Variants in CHRDL2 observed in about 807,000 individuals in gnomAD.
CHRDL2 encodes the protein chordin like 2.
CHRDL2 carries 41 observed loss-of-function variants against 54.3 expected under a neutral mutation model. The observed-to-expected ratio is 0.76, with a 90% CI of 0.59 to 0.98. The LOEUF (loss-of-function observed/expected upper bound fraction) is 0.98, where lower values mean the gene tolerates loss of function less well. CHRDL2 is among the 50% of genes least tolerant of loss of function. The probability of loss-of-function intolerance (pLI) is 0.00; values close to 1 mark genes in which losing one functional copy is unlikely to be tolerated. For missense variants in CHRDL2, 518 were observed against 562.4 expected, an observed-to-expected ratio of 0.92 and a Z score of 0.80; for synonymous variants, 220 against 224.3, an observed-to-expected ratio of 0.98 and a Z score of 0.17.
intron 2 of CHRDL2, among the ~76,000 whole-genome samples, chr11:74,714,807 G>A (rs758130950): frequency 2.0e-5 from 3 of 152,158 alleles, no homozygotes; most frequent in Non-Finnish European, 2.9e-5. Flanking sequence ...TTCTGGCCTC[G>A]AAGGAGCCAA....
intron 4 of CHRDL2, 21 bp downstream of exon 4, chr11:74,710,828 A>G: frequency 6.2e-7 from 1 of 1,613,126 alleles, no homozygotes; most frequent in Non-Finnish European, 8.5e-7. Flanking sequence ...CCTGTGCTGA[A>G]GGGAAGGCAG....
intron 4 of CHRDL2, among the ~76,000 whole-genome samples, chr11:74,709,158 G>C (rs896145164): frequency 1.4e-4 from 22 of 152,164 alleles, no homozygotes; most frequent in Admixed American, 1.3e-4. Flanking sequence ...ATATAATCAG[G>C]GATGAGAAGG....
At chr11:74,703,705 G>A (rs1480383237) in intron 7 of CHRDL2, among the ~76,000 whole-genome samples, 1 of 152,234 alleles carries the variant, frequency 6.6e-6, no homozygotes, top group African/African-American at 2.4e-5. Context: ...GCTGAGATGG[G>A]CCCAGAAGGA....
At chr11:74,713,811 C>T (rs2034269968) in intron 2 of CHRDL2, among the ~76,000 whole-genome samples, 1 of 152,152 alleles carries the variant, frequency 6.6e-6, no homozygotes, top group Admixed American at 6.5e-5. Flanking sequence ...ACTATTTTAA[C>T]TCTAGGGCTT....
chr11:74,728,167 C>A (rs1206722767), intron 1 of CHRDL2, among the ~76,000 whole-genome samples: 1 of 152,184 alleles, frequency 6.6e-6, no homozygotes, highest in African/African-American at 2.4e-5. Context: ...GTTTGAATAG[C>A]CTGAGGAGCA....
chr11:74,700,537 G>A lies in CHRDL2; in HGVS notation c.1120+2257C>T, dbSNP rs12361233. ...TGGGGCCTATTATGCTCCATGTCCC[G>A]GCACTTAGTTGGGGGCAGCGGAGAG... On this transcript the variant is annotated intron_variant, in intron 9 of 10. Coordinates refer to ENST00000376332, the MANE Select transcript of CHRDL2 (RefSeq NM_001278473.3). Among the ~76,000 whole-genome samples the A allele has an allele frequency of 8.6e-3, 1,301 of 152,120 alleles. 11 individuals carry two copies. Among genetic ancestry groups the A allele is most frequent in the Non-Finnish European group, 0.014 (980 of 67,990 alleles).
intron 1 of CHRDL2, among the ~76,000 whole-genome samples, chr11:74,726,333 T>C (rs1198808476): frequency 6.6e-6 from 1 of 152,168 alleles, no homozygotes; most frequent in African/African-American, 2.4e-5. Context: ...CTAAGCTTGA[T>C]TCACTCCAGC....
intron 2 of CHRDL2, among the ~76,000 whole-genome samples, chr11:74,714,139 G>C (rs2135261973): frequency 6.6e-6 from 1 of 152,158 alleles, no homozygotes; most frequent in East Asian, 1.9e-4. Context: ...GGTCTTCCCA[G>C]CTCTCCAGGC....
Position 74,702,171 on chromosome 11 carries a change from G to A in CHRDL2, c.1120+623C>T, listed in dbSNP as rs539434444. Among the ~76,000 whole-genome samples the A allele has an allele frequency of 1.3e-4, 19 of 151,836 alleles. No individual in the cohort carries two copies. In the South Asian group the frequency reaches 2.5e-3, roughly 20 times the overall value. ...CTCAGGAGGCTGAGATGGGAGGATC[G>A]TTTGAGCCCAGGAGAATGAGGTTGC... On this transcript the variant is annotated intron_variant, in intron 9 of 10. Coordinates refer to ENST00000376332, the MANE Select transcript of CHRDL2 (RefSeq NM_001278473.3).
chr11:74,702,099 T>C lies in CHRDL2; in HGVS notation c.1120+695A>G, dbSNP rs1215702531. On this transcript the variant is annotated intron_variant, in intron 9 of 10. Transcript: ENST00000376332. Reference sequence around the variant, plus strand: ...CAAAACCCCATCTCTACAAAAAAAATACAAAAATTAGCTGGGCGTGGTGGC... The same window carrying C: ...CAAAACCCCATCTCTACAAAAAAAACACAAAAATTAGCTGGGCGTGGTGGC... Among the ~76,000 whole-genome samples, 8 of 151,634 alleles carry C rather than the reference T, an allele frequency of 5.3e-5. No homozygotes were observed. The South Asian group carries it at 1.7e-3, about 32-fold the overall frequency.
At chr11:74,703,777 G>A (rs992144874) in intron 7 of CHRDL2, among the ~76,000 whole-genome samples, 7 of 152,254 alleles carry the variant, frequency 4.6e-5, no homozygotes, top group African/African-American at 1.4e-4. Context: ...AGCAAGGAGA[G>A]TGCTGATCTT....
At position 74,710,776 on chromosome 11, in the gene CHRDL2, G is replaced by C. The variant is rs923150843; in HGVS notation, c.432+73C>G. On this transcript the variant is annotated intron_variant, in intron 4 of 10. Coordinates refer to ENST00000376332, the MANE Select transcript of CHRDL2 (RefSeq NM_001278473.3). ...CCAGGAGGAACAATCCCCCCAGTCC[G>C]CAGTCCAGGCTACTATGTTCTTTGC... 1.1e-5 allele frequency: 16 copies of C among 1,516,986 alleles called. No homozygotes were observed. In the Admixed American group the frequency reaches 1.4e-4, roughly 14 times the overall value. The allele number at this position is 1,516,986 out of a possible 1,614,324, so 94.0% of individuals were successfully genotyped here.
At chr11:74,712,860 G>C (rs1413970684) in intron 3 of CHRDL2, among the ~76,000 whole-genome samples, 6 of 152,044 alleles carry the variant, frequency 3.9e-5, no homozygotes, top group African/African-American at 1.5e-4. Context: ...ATTCTCAGAG[G>C]CTCTTAGAAT....
Position 74,710,771 on chromosome 11 carries a change from AG to A in CHRDL2, c.432+77del, listed in dbSNP as rs2034162344. ...TTTGGCCAGGAGGAACAATCCCCCC[AG>A]TCCGCAGTCCAGGCTACTATGTTCT... On this transcript the variant is annotated intron_variant, in intron 4 of 10. Transcript: ENST00000376332. 6 of 1,506,346 alleles carry A rather than the reference AG, an allele frequency of 4.0e-6. No individual in the cohort carries two copies. The East Asian group carries it at 9.5e-5, about 24-fold the overall frequency. 93.3% of individuals were successfully genotyped at this position (1,506,346 alleles called of 1,614,324 possible).
intron 2 of CHRDL2, among the ~76,000 whole-genome samples, chr11:74,717,198 C>T (rs73490624): frequency 0.19 from 29,454 of 151,926 alleles, 2,986 homozygotes; most frequent in South Asian, 0.33. Flanking sequence ...TGTGGCAGCC[C>T]AGGAAAGAGA....
At chr11:74,727,949 G>T (rs1207013511) in intron 1 of CHRDL2, among the ~76,000 whole-genome samples, 1 of 152,148 alleles carries the variant, frequency 6.6e-6, no homozygotes, top group African/African-American at 2.4e-5. Flanking sequence ...CTGTGGCTCA[G>T]CCTGGGGCTG....
intron 7 of CHRDL2, 45 bp downstream of exon 7, chr11:74,704,441 C>T (rs775527065): frequency 1.9e-6 from 3 of 1,556,356 alleles, no homozygotes; most frequent in East Asian, 2.4e-5. Flanking sequence ...GCAGTCAGGG[C>T]CCCCCTTCCC....
intron 3 of CHRDL2, among the ~76,000 whole-genome samples, chr11:74,712,750 A>C (rs1477057128): frequency 6.6e-6 from 1 of 152,002 alleles, no homozygotes; most frequent in African/African-American, 2.4e-5. Context: ...CCCACCTCCA[A>C]GTTGGCCTCC....
intron 4 of CHRDL2, among the ~76,000 whole-genome samples, chr11:74,710,630 G>C (rs961936650): frequency 6.6e-6 from 1 of 151,022 alleles, no homozygotes; most frequent in Admixed American, 6.6e-5. Flanking sequence ...CGTCTACTGG[G>C]GGAAACAGAA....
Sources: allele counts gnomAD v4.1 joint callset (sites outside exome capture counted in the v4.1 genomes callset), GRCh38; gene constraint gnomAD v4.1.1; transcripts MANE v1.5; gene names NCBI Gene and HGNC (gene_info 2026-07-23, HGNC 2026-07-21).